HS2ST1: variants seen among roughly 807,000 people sequenced by gnomAD.
HS2ST1 encodes the protein heparan sulfate 2-O-sulfotransferase 1.
A neutral mutation model predicts 42.9 loss-of-function variants in HS2ST1; 18 were observed. The ratio of observed to expected loss-of-function variants is 0.42; its 90% CI spans 0.29 to 0.62. HS2ST1 has a LOEUF of 0.62. HS2ST1 is among the 20% of genes least tolerant of loss of function. The probability of loss-of-function intolerance (pLI) is 0.21; values close to 1 mark genes in which losing one functional copy is unlikely to be tolerated. For synonymous variants in HS2ST1, 146 were observed against 152.9 expected, an observed-to-expected ratio of 0.95 and a Z score of 0.33; for missense variants, 334 against 433.8, an observed-to-expected ratio of 0.77 and a Z score of 2.04.
At chr1:87,068,578 G>A (rs189231960) in intron 1 of HS2ST1, among the ~76,000 whole-genome samples, 3 of 152,288 alleles carry the variant, frequency 2.0e-5, no homozygotes, top group Admixed American at 6.5e-5. Flanking sequence ...GCCCTGGCCA[G>A]AACTTCCAAT....
chr1:86,978,426 A>G (rs1648485750), intron 1 of HS2ST1, among the ~76,000 whole-genome samples: 1 of 152,234 alleles, frequency 6.6e-6, no homozygotes, highest in Admixed American at 6.5e-5. Flanking sequence ...CAAAAAGGGA[A>G]TACTCATGAG....
chr1:87,084,161 A>G lies in HS2ST1; in HGVS notation c.364-33A>G, dbSNP rs766227104. ...TATCATCAAATTTCATTTTCTTTAA[A>G]TTGTATATAATGAATGTGTTCTCCC... is the stretch of plus-strand genomic sequence containing the variant. On this transcript the variant is annotated intron_variant, in intron 2 of 6. Coordinates refer to ENST00000370550, the MANE Select transcript of HS2ST1 (RefSeq NM_012262.4). 7.0e-6 allele frequency: 9 copies of G among 1,294,916 alleles called. No homozygotes were observed. In the East Asian group the frequency reaches 2.0e-4, roughly 28 times the overall value. 80.2% of individuals were successfully genotyped at this position (1,294,916 alleles called of 1,614,324 possible).
intron 1 of HS2ST1, among the ~76,000 whole-genome samples, chr1:86,995,908 AAAAGGTGAT>A (rs1649082998): frequency 6.6e-6 from 1 of 152,190 alleles, no homozygotes; most frequent in South Asian, 2.1e-4. Flanking sequence ...AAGGTCTCTG[AAAAGGTGAT>A]AATTAAGATG....
intron 1 of HS2ST1, among the ~76,000 whole-genome samples, chr1:87,039,029 A>G (rs1200086225): frequency 2.0e-5 from 3 of 152,246 alleles, no homozygotes; most frequent in Non-Finnish European, 4.4e-5. Context: ...AAAAACAATC[A>G]TGAGCCAAAT....
intron 1 of HS2ST1, among the ~76,000 whole-genome samples, chr1:86,977,058 AAAC>A (rs1003296251): frequency 6.6e-5 from 10 of 152,190 alleles, no homozygotes; most frequent in Admixed American, 4.6e-4. Context: ...TCAAAAAACA[AAAC>A]AACAACAACA....
At chr1:87,096,996 C>G (rs1652083882) in intron 4 of HS2ST1, among the ~76,000 whole-genome samples, 1 of 152,172 alleles carries the variant, frequency 6.6e-6, no homozygotes, top group Non-Finnish European at 1.5e-5. Context: ...CTAAGACCAT[C>G]TAGAAAAATT....
Position 87,089,653 on chromosome 1 carries a change from T to C in HS2ST1, c.450-2878T>C, listed in dbSNP as rs187589250. Among the ~76,000 whole-genome samples, 127 of 152,168 alleles carry C rather than the reference T, an allele frequency of 8.3e-4. 1 individual carries two copies. Among genetic ancestry groups the C allele is most frequent in the Non-Finnish European group, 1.5e-3 (99 of 67,938 alleles). ...TTTTAATCATGCCCATTATCTGTTA[T>C]AATCCCTTGCCTCCAGCCCTTCGTG... On this transcript the variant is annotated intron_variant, in intron 3 of 6. Transcript: ENST00000370550.
At chr1:87,021,529 T>C (rs1317135502) in intron 1 of HS2ST1, among the ~76,000 whole-genome samples, 2 of 152,194 alleles carry the variant, frequency 1.3e-5, no homozygotes, top group East Asian at 3.8e-4. Flanking sequence ...TATTTATTTA[T>C]TTTGAGACAA....
chr1:86,926,874 C>T (rs1660433242), intron 1 of HS2ST1, among the ~76,000 whole-genome samples: 3 of 152,208 alleles, frequency 2.0e-5, no homozygotes, highest in Admixed American at 2.0e-4. Flanking sequence ...GATAGTCCCA[C>T]CTTCCTCCTT....
intron 1 of HS2ST1, among the ~76,000 whole-genome samples, chr1:87,003,220 A>G (rs750911835): frequency 7.2e-5 from 11 of 152,244 alleles, no homozygotes; most frequent in Non-Finnish European, 1.3e-4. Context: ...AGATTAAGTC[A>G]AAAGCTCTTT....
intron 1 of HS2ST1, among the ~76,000 whole-genome samples, chr1:87,025,737 A>C (rs1427408892): frequency 1.3e-5 from 2 of 152,186 alleles, no homozygotes; most frequent in African/African-American, 4.8e-5. Flanking sequence ...TTCTCCCCAC[A>C]ACCCCCAACT....
At chr1:86,968,751 C>T (rs775343599) in intron 1 of HS2ST1, among the ~76,000 whole-genome samples, 32 of 151,922 alleles carry the variant, frequency 2.1e-4, no homozygotes, top group Non-Finnish European at 2.4e-4. Context: ...TTATTGTAGA[C>T]GGTTTAAACG....
chr1:87,036,958 G>GC (rs1650389896), intron 1 of HS2ST1, among the ~76,000 whole-genome samples: 1 of 152,100 alleles, frequency 6.6e-6, no homozygotes, highest in Admixed American at 6.6e-5. Flanking sequence ...ACATTCACTT[G>GC]CATATATCAC....
intron 1 of HS2ST1, among the ~76,000 whole-genome samples, chr1:87,040,569 C>T (rs565758141): frequency 1.1e-4 from 16 of 152,148 alleles, no homozygotes; most frequent in Non-Finnish European, 1.8e-4. Context: ...ATAACTTATC[C>T]AGGTGAGGAC....
At chr1:87,002,856 T>C (rs1313448561) in intron 1 of HS2ST1, among the ~76,000 whole-genome samples, 2 of 152,172 alleles carry the variant, frequency 1.3e-5, no homozygotes, top group East Asian at 3.8e-4. Flanking sequence ...CATTGATTAG[T>C]CTAGAATGTA....
chr1:87,017,565 A>G (rs1649797130), intron 1 of HS2ST1, among the ~76,000 whole-genome samples: 1 of 152,214 alleles, frequency 6.6e-6, no homozygotes, highest in Admixed American at 6.5e-5. Context: ...CTTGATAGGC[A>G]TAGTAAGAGA....
rs1392392572 is a variant in HS2ST1 at position 86,914,769 on chromosome 1, A to G, written c.-268A>G. On this transcript the variant is annotated 5_prime_UTR_variant, in exon 1 of 7. Transcript: ENST00000370550. The stretch of plus-strand genomic sequence containing the variant: ...CAGTAGAGGGAGGCGAGAGCCCGGC[A>G]GCCGCTTCGCGCTGTTTGCTGCGCG... The G allele has an allele frequency of 6.1e-6, 3 of 493,602 alleles. No homozygotes were observed. Among genetic ancestry groups the G allele is most frequent in the East Asian group, 7.8e-5 (2 of 25,504 alleles). The allele number at this position is 493,602 out of a possible 1,614,324, so 30.6% of individuals were successfully genotyped here.
chr1:86,963,891 G>C (rs1647946157), intron 1 of HS2ST1, among the ~76,000 whole-genome samples: 1 of 149,252 alleles, frequency 6.7e-6, no homozygotes, highest in African/African-American at 2.4e-5. Context: ...CGGCTGGCCT[G>C]GCGGGGGCTG....
chr1:87,060,188 T>C (rs1316376198), intron 1 of HS2ST1, among the ~76,000 whole-genome samples: 1 of 152,182 alleles, frequency 6.6e-6, no homozygotes, highest in Admixed American at 6.5e-5. Context: ...TGTTTTTCTT[T>C]TAAGCACCTG....
Sources: gnomAD v4.1 joint callset for allele counts (sites outside exome capture counted in the v4.1 genomes callset) on GRCh38, gnomAD v4.1.1 for gene constraint, MANE v1.5 for transcripts, NCBI Gene and HGNC (gene_info 2026-07-23, HGNC 2026-07-21) for gene names.